The following DNAH12 variants were observed in gnomAD, a reference collection of about 807,000 sequenced individuals.
The protein encoded by DNAH12 is dynein axonemal heavy chain 12, also known as axonemal beta dynein heavy chain 12.
In DNAH12, 285 loss-of-function variants were observed where a neutral mutation model predicts 371.5. The ratio of observed to expected loss-of-function variants is 0.77; its 90% CI spans 0.70 to 0.85. DNAH12 has a LOEUF of 0.85. Ranked by LOEUF, DNAH12 falls within the 40% of genes least tolerant of loss-of-function variation. The pLI is 0.00. For missense variants in DNAH12, 3,611 were observed against 3,689.4 expected (o/e 0.98, Z 0.55); for synonymous variants, 1,200 against 1,213.0 (o/e 0.99, Z 0.22).
chr3:57,406,349 T>G (rs2064025446), intron 40 of DNAH12, among the ~76,000 whole-genome samples: 1 of 127,116 alleles, frequency 7.9e-6, no homozygotes, highest in Non-Finnish European at 1.6e-5. Flanking sequence ...GAAGTGAGAT[T>G]CTGCCTCAAA....
chr3:57,319,507 A>G (rs896356763), intron 65 of DNAH12, among the ~76,000 whole-genome samples: 14 of 151,948 alleles, frequency 9.2e-5, no homozygotes, highest in African/African-American at 2.9e-4. Flanking sequence ...AAGTTGTGGT[A>G]TTTTCATATT....
chr3:57,441,604 C>G (rs1412187905), intron 29 of DNAH12, among the ~76,000 whole-genome samples: 1 of 152,008 alleles, frequency 6.6e-6, no homozygotes, highest in East Asian at 1.9e-4. Flanking sequence ...CCAACCTGAG[C>G]AACAAAGTAA....
chr3:57,474,091 A>G (rs1052312258), intron 13 of DNAH12, among the ~76,000 whole-genome samples: 3 of 152,178 alleles, frequency 2.0e-5, no homozygotes, highest in African/African-American at 4.8e-5. Context: ...TCTGCCATCC[A>G]CTGCTATTCA....
Position 57,425,035 on chromosome 3 carries a change from C to T in DNAH12, c.5360G>A (p.Arg1787His), listed in dbSNP as rs1384398351. ...TATAAAACCAACCATAATCCAAACA[C>T]GAATGTGCTTGCTAGTAGGATCATT... ...VENDPTSKHI[R>H]VWIMACFIFS... Residue 1787 changes from arginine (R) to histidine (H), a missense_variant, in exon 35 of 74, where the codon CGT becomes CAT. Physicochemically the swap from Arg to His is conservative, Grantham distance 29. Coordinates refer to ENST00000495027, the MANE Select transcript of DNAH12 (RefSeq NM_001366028.2). The T allele has an allele frequency of 2.8e-6, 2 of 702,110 alleles. No homozygotes were observed. The highest frequency in any genetic ancestry group is 2.3e-4 in the Middle Eastern group (1 of 4,370). 43.5% of individuals were successfully genotyped at this position (702,110 alleles called of 1,614,324 possible).
chr3:57,345,957 A>G (rs782466034), intron 60 of DNAH12, among the ~76,000 whole-genome samples: 55 of 152,056 alleles, frequency 3.6e-4, no homozygotes, highest in Admixed American at 4.6e-4. Flanking sequence ...TTATTTTTTA[A>G]AAATCTGTGT....
upstream of DNAH12, among the ~76,000 whole-genome samples, chr3:57,545,790 A>G (rs2121741): frequency 0.4 from 60,812 of 151,784 alleles, 13,275 homozygotes; most frequent in South Asian, 0.57. Context: ...CAGATAGAAA[A>G]ATCTCCAGCC....
intron 43 of DNAH12, among the ~76,000 whole-genome samples, chr3:57,399,895 A>G (rs2063821781): frequency 6.6e-6 from 1 of 152,236 alleles, no homozygotes; most frequent in Non-Finnish European, 1.5e-5. Context: ...ACAGTTTAAT[A>G]CATATAACAT....
At chr3:57,404,621 G>A (rs1553680369) in intron 42 of DNAH12, among the ~76,000 whole-genome samples, 1 of 152,162 alleles carries the variant, frequency 6.6e-6, no homozygotes, top group African/African-American at 2.4e-5. Context: ...CTGGGAGGCT[G>A]AGGCAGGAGA....
chr3:57,510,296 A>G (rs2067938841), intron 5 of DNAH12, among the ~76,000 whole-genome samples: 1 of 152,180 alleles, frequency 6.6e-6, no homozygotes, highest in South Asian at 2.1e-4. Context: ...ATTTTGACTT[A>G]AGTATAGACT....
chr3:57,411,324 T>G (rs2064193414), intron 39 of DNAH12, among the ~76,000 whole-genome samples: 2 of 151,758 alleles, frequency 1.3e-5, no homozygotes, highest in South Asian at 4.2e-4. Context: ...GGTCAGGAGT[T>G]CAAGACCAGC....
chr3:57,446,292 A>C lies in DNAH12; in HGVS notation c.3940-22T>G, dbSNP rs1575610429. The C allele has an allele frequency of 9.1e-6, 14 of 1,539,838 alleles. No individual in the cohort carries two copies. In the East Asian group the frequency reaches 3.4e-4, roughly 38 times the overall value. The stretch of plus-strand genomic sequence containing the variant: ...AAAACTAAGGACAAAGAAAAAGGAA[A>C]GTGATTTTTTTCTCAGGAAAGGATA... On this transcript the variant is annotated intron_variant, in intron 26 of 73. Coordinates refer to ENST00000495027, the MANE Select transcript of DNAH12 (RefSeq NM_001366028.2).
At chr3:57,299,205 C>T (rs1006070864) in intron 70 of DNAH12, among the ~76,000 whole-genome samples, 7 of 152,154 alleles carry the variant, frequency 4.6e-5, no homozygotes, top group African/African-American at 1.4e-4. Context: ...CCCACTCGCC[C>T]GTGGCTTCCT....
rs185603613 is a variant in DNAH12 at position 57,306,258 on chromosome 3, C to T, written c.11189+2893G>A. ...AAGTCCGTCCCCTTCTTAATCAATA[C>T]AGAGGCTACCCACTTCACATTACCT... On this transcript the variant is annotated intron_variant, in intron 69 of 73. Coordinates refer to ENST00000495027, the MANE Select transcript of DNAH12 (RefSeq NM_001366028.2). Among the ~76,000 whole-genome samples, 3 of 152,264 alleles carry T rather than the reference C, an allele frequency of 2.0e-5. No homozygotes were observed. The South Asian group carries it at 6.2e-4, about 32-fold the overall frequency.
chr3:57,519,961 G>A, intron 4 of DNAH12: 1 of 864,822 alleles, frequency 1.2e-6, no homozygotes, highest in Non-Finnish European at 2.0e-6. Flanking sequence ...TGCGCTCCTG[G>A]AGTGAGAGGT....
chr3:57,396,914 A>T (rs2063753521), intron 43 of DNAH12, among the ~76,000 whole-genome samples: 1 of 152,194 alleles, frequency 6.6e-6, no homozygotes, highest in Non-Finnish European at 1.5e-5. Context: ...AATTCCAGCT[A>T]CTAGGGAGGT....
chr3:57,413,663 G>T, intron 39 of DNAH12, 83 bp downstream of exon 39: 1 of 1,392,508 alleles, frequency 7.2e-7, no homozygotes, highest in South Asian at 1.5e-5. Context: ...TAAATATCTT[G>T]AAAAATGTAT....
intron 47 of DNAH12, among the ~76,000 whole-genome samples, chr3:57,385,654 G>A (rs1005308926): frequency 3.9e-5 from 6 of 152,168 alleles, no homozygotes; most frequent in Non-Finnish European, 7.3e-5. Context: ...GGTCAAGGCC[G>A]GTGGACTGCC....
chr3:57,520,635 G>A (rs2068391453), intron 4 of DNAH12, among the ~76,000 whole-genome samples: 1 of 151,200 alleles, frequency 6.6e-6, no homozygotes, highest in Non-Finnish European at 1.5e-5. Context: ...TAGAGACGGG[G>A]TTTCACCGTG....
At chr3:57,359,640 A>G (rs2062879577) in intron 58 of DNAH12, among the ~76,000 whole-genome samples, 2 of 151,786 alleles carry the variant, frequency 1.3e-5, no homozygotes, top group East Asian at 1.9e-4. Context: ...GCAACTCATT[A>G]CTTGTAAAAC....
Sources: gnomAD v4.1 joint callset for allele counts (sites outside exome capture counted in the v4.1 genomes callset) on GRCh38, gnomAD v4.1.1 for gene constraint, MANE v1.5 for transcripts, NCBI Gene and HGNC (gene_info 2026-07-23, HGNC 2026-07-21) for gene names.